SEMA3E: variants seen among roughly 807,000 people sequenced by gnomAD.
The protein encoded by SEMA3E is semaphorin-3E.
A neutral mutation model predicts 93.6 loss-of-function variants in SEMA3E; 49 were observed. The ratio of observed to expected loss-of-function variants is 0.52; its 90% CI spans 0.42 to 0.66. The LOEUF (loss-of-function observed/expected upper bound fraction) is 0.66. SEMA3E is among the 30% of genes least tolerant of loss of function. The pLI is 0.00. For synonymous variants in SEMA3E, 363 were observed against 330.7 expected (o/e 1.10, Z -1.06); for missense variants, 906 against 964.8 (o/e 0.94, Z 0.81).
intron 1 of SEMA3E, among the ~76,000 whole-genome samples, chr7:83,545,913 T>C (rs138417377): frequency 0.011 from 1,608 of 146,894 alleles, 13 homozygotes; most frequent in Non-Finnish European, 0.016. Context: ...ATATATTATA[T>C]ATATTTTATT....
intron 1 of SEMA3E, among the ~76,000 whole-genome samples, chr7:83,627,823 G>T (rs1416663832): frequency 6.6e-6 from 1 of 151,898 alleles, no homozygotes; most frequent in Non-Finnish European, 1.5e-5. Flanking sequence ...TGCATTTAAG[G>T]TTAATATTGT....
intron 4 of SEMA3E, among the ~76,000 whole-genome samples, chr7:83,440,033 T>C (rs1789081260): frequency 6.6e-6 from 1 of 152,216 alleles, no homozygotes; most frequent in South Asian, 2.1e-4. Flanking sequence ...TTCTGGTAGG[T>C]CCTGCAAACA....
intron 1 of SEMA3E, among the ~76,000 whole-genome samples, chr7:83,576,672 C>T (rs1792407012): frequency 6.6e-6 from 1 of 152,124 alleles, no homozygotes; most frequent in Admixed American, 6.5e-5. Flanking sequence ...GTTGTCCAGG[C>T]TGGAGTGCAG....
chr7:83,390,651 T>TGGAA (rs2115573519), intron 14 of SEMA3E, among the ~76,000 whole-genome samples: 1 of 152,312 alleles, frequency 6.6e-6, no homozygotes, highest in South Asian at 2.1e-4. Flanking sequence ...CTTCATGTGT[T>TGGAA]GGAACTTATC....
At position 83,363,859 on chromosome 7, in the gene SEMA3E, C is replaced by CTTTTTTTTTT. The variant is rs1562743425; in HGVS notation, c.*3726_*3727insAAAAAAAAAA. The stretch of plus-strand genomic sequence containing the variant: ...AGGCTACAGGTGTCACAGGTCAATT[C>CTTTTTTTTTT]ATTTTTTTTTTTTTTTTTTTTTTTT... On this transcript the variant is annotated 3_prime_UTR_variant, in exon 17 of 17. Coordinates refer to ENST00000643230, the MANE Select transcript of SEMA3E (RefSeq NM_012431.3). The CTTTTTTTTTT allele has an allele frequency of 9.9e-6, 1 of 100,558 alleles. No homozygotes were observed. The highest frequency in any genetic ancestry group is 4.7e-5 in the African/African-American group (1 of 21,430). 6.2% of individuals were successfully genotyped at this position (100,558 alleles called of 1,614,324 possible). A position where few individuals can be genotyped will look rare whatever the true frequency, so the allele number is the denominator to read the frequency against.
intron 1 of SEMA3E, among the ~76,000 whole-genome samples, chr7:83,595,206 T>A (rs567093173): frequency 3.3e-5 from 5 of 152,160 alleles, no homozygotes; most frequent in African/African-American, 7.2e-5. Context: ...GACAAAAAAA[T>A]TGGTTTATCT....
chr7:83,639,939 A>G (rs1430430837), intron 1 of SEMA3E, among the ~76,000 whole-genome samples: 1 of 152,054 alleles, frequency 6.6e-6, no homozygotes, highest in Non-Finnish European at 1.5e-5. Context: ...CCTGAAGTTC[A>G]TAATAAACTT....
intron 1 of SEMA3E, among the ~76,000 whole-genome samples, chr7:83,523,137 CA>C: frequency 6.6e-6 from 1 of 152,096 alleles, no homozygotes; most frequent in Non-Finnish European, 1.5e-5. Flanking sequence ...AAATGAGCAT[CA>C]GAGATTCATG....
chr7:83,497,368 C>T lies in SEMA3E; in HGVS notation c.116-7094G>A, dbSNP rs76022989. ...ATGCACATTTCTTGTTCCACCGTCA[C>T]CTGCCAAGTAAAGACTTCCTAAGAC... On this transcript the variant is annotated intron_variant, in intron 1 of 16. Transcript: ENST00000643230. Among the ~76,000 whole-genome samples the T allele has an allele frequency of 1.6e-3, 245 of 152,220 alleles. 2 individuals are homozygous for T. The highest frequency in any genetic ancestry group is 5.8e-3 in the African/African-American group (239 of 41,550).
At chr7:83,416,335 T>A (rs938415524) in intron 5 of SEMA3E, among the ~76,000 whole-genome samples, 23 of 152,078 alleles carry the variant, frequency 1.5e-4, no homozygotes, top group Non-Finnish European at 2.9e-4. Context: ...CAGCATAGTG[T>A]AATTTGATTT....
intron 4 of SEMA3E, among the ~76,000 whole-genome samples, chr7:83,460,834 C>T (rs1431338667): frequency 6.6e-6 from 1 of 150,696 alleles, no homozygotes; most frequent in East Asian, 2.0e-4. Flanking sequence ...AACCCCTTTT[C>T]CCACTTTTCT....
chr7:83,525,524 T>C (rs1450955629), intron 1 of SEMA3E, among the ~76,000 whole-genome samples: 2 of 128,040 alleles, frequency 1.6e-5, no homozygotes, highest in Non-Finnish European at 3.6e-5. Flanking sequence ...GATTTTCTTG[T>C]TTTCTCATGT....
intron 2 of SEMA3E, among the ~76,000 whole-genome samples, chr7:83,478,862 G>C (rs905137787): frequency 1.2e-4 from 18 of 152,278 alleles, no homozygotes; most frequent in African/African-American, 4.3e-4. Context: ...CTCAGTGATG[G>C]CTTCTAATAC....
At chr7:83,583,832 C>T (rs770207178) in intron 1 of SEMA3E, among the ~76,000 whole-genome samples, 4 of 152,100 alleles carry the variant, frequency 2.6e-5, no homozygotes, top group Non-Finnish European at 4.4e-5. Context: ...ATTATGCCTG[C>T]GTGGTTGAGT....
chr7:83,492,924 C>T (rs113372604), intron 1 of SEMA3E, among the ~76,000 whole-genome samples: 6 of 151,796 alleles, frequency 4.0e-5, no homozygotes, highest in Admixed American at 1.3e-4. Context: ...ATAACAGGTG[C>T]GTATATTATA....
intron 1 of SEMA3E, among the ~76,000 whole-genome samples, chr7:83,562,691 G>A (rs995068068): frequency 4.6e-5 from 7 of 151,930 alleles, no homozygotes; most frequent in African/African-American, 1.5e-4. Context: ...AACTGAACCT[G>A]GCTTCTAAGA....
intron 4 of SEMA3E, among the ~76,000 whole-genome samples, chr7:83,434,750 G>T (rs1584246762): frequency 1.6e-5 from 2 of 125,132 alleles, no homozygotes; most frequent in South Asian, 2.5e-4. Context: ...GTCTCGCTCT[G>T]TCGCCCAGGC....
At chr7:83,397,812 C>G (rs994515687) in intron 11 of SEMA3E, among the ~76,000 whole-genome samples, 1 of 152,036 alleles carries the variant, frequency 6.6e-6, no homozygotes, top group Non-Finnish European at 1.5e-5. Flanking sequence ...ATTATCAAGT[C>G]TTATGGATGA....
intron 1 of SEMA3E, among the ~76,000 whole-genome samples, chr7:83,543,769 A>T (rs1305485270): frequency 6.6e-6 from 1 of 152,084 alleles, no homozygotes; most frequent in East Asian, 1.9e-4. Context: ...TGCCTATAAA[A>T]TAATACAATG....
Sources: gnomAD v4.1 joint callset for allele counts (sites outside exome capture counted in the v4.1 genomes callset) on GRCh38, gnomAD v4.1.1 for gene constraint, MANE v1.5 for transcripts, NCBI Gene and HGNC (gene_info 2026-07-23, HGNC 2026-07-21) for gene names.